MGAT4C: variants seen among roughly 807,000 people sequenced by gnomAD.
MGAT4C encodes the protein MGAT4 family member C.
A neutral mutation model predicts 40.1 loss-of-function variants in MGAT4C; 19 were observed. The observed-to-expected ratio is 0.47, with a 90% CI of 0.33 to 0.70. The LOEUF (loss-of-function observed/expected upper bound fraction) is 0.70, where lower values mean the gene tolerates loss of function less well. MGAT4C is among the 30% of genes least tolerant of loss of function. The pLI is 0.02. For synonymous variants in MGAT4C, 181 were observed against 187.1 expected (o/e 0.97, Z 0.27); for missense variants, 491 against 563.2 (o/e 0.87, Z 1.30).
At chr12:86,530,310 C>T (rs1958959743) in intron 2 of MGAT4C, among the ~76,000 whole-genome samples, 1 of 151,848 alleles carries the variant, frequency 6.6e-6, no homozygotes. Context: ...TGCTTATTTT[C>T]TTTCAAACAT....
intron 1 of MGAT4C, among the ~76,000 whole-genome samples, chr12:86,071,661 T>C: frequency 6.6e-6 from 1 of 152,250 alleles, no homozygotes; most frequent in Non-Finnish European, 1.5e-5. Flanking sequence ...TTACTATGCG[T>C]CATAGCTTTA....
intron 2 of MGAT4C, among the ~76,000 whole-genome samples, chr12:86,017,185 AACTACCACTGTG>A: frequency 6.6e-6 from 1 of 152,146 alleles, no homozygotes; most frequent in African/African-American, 2.4e-5. Flanking sequence ...AAAAGATTGC[AACTACCACTGTG>A]GTTTGAGTGT....
chr12:86,012,875 G>A (rs1021623128), intron 2 of MGAT4C, among the ~76,000 whole-genome samples: 1 of 151,344 alleles, frequency 6.6e-6, no homozygotes, highest in Non-Finnish European at 1.5e-5. Flanking sequence ...GATAATCCCA[G>A]CACTTTGGGA....
In MGAT4C at chr12:85,965,112, T is replaced by C. The variant is rs192362568; in HGVS notation, c.*14177A>G. 6 of 152,304 alleles carry C rather than the reference T, an allele frequency of 3.9e-5. No homozygotes were observed. Among genetic ancestry groups the C allele is most frequent in the African/African-American group, 1.4e-4 (6 of 41,574 alleles). The allele number at this position is 152,304 out of a possible 1,614,324, so 9.4% of individuals were successfully genotyped here. On this transcript the variant is annotated 3_prime_UTR_variant, in exon 5 of 5. Transcript: ENST00000611864. ...TCCAATTAGAGTGAGGTGTTGAATATTTATTTATTTGTTTATTTTTATTAT... is the reference window on the plus strand; with the variant it reads ...TCCAATTAGAGTGAGGTGTTGAATACTTATTTATTTGTTTATTTTTATTAT...
At chr12:86,489,916 G>C (rs549602031) in intron 2 of MGAT4C, among the ~76,000 whole-genome samples, 2 of 152,224 alleles carry the variant, frequency 1.3e-5, no homozygotes, top group Admixed American at 1.3e-4. Flanking sequence ...AGAAATATGG[G>C]ACTATGTGAA....
intron 2 of MGAT4C, among the ~76,000 whole-genome samples, chr12:86,689,025 T>C (rs1413959383): frequency 2.0e-5 from 3 of 152,230 alleles, no homozygotes; most frequent in South Asian, 2.1e-4. Context: ...TCCATACTTT[T>C]TGGAGGCTTT....
intron 2 of MGAT4C, among the ~76,000 whole-genome samples, chr12:86,508,207 C>A (rs189936108): frequency 7.2e-5 from 11 of 152,064 alleles, no homozygotes; most frequent in African/African-American, 1.2e-4. Context: ...ATCCCTCCCC[C>A]CTTCCCCCAC....
At chr12:86,528,105 AATTTC>A (rs1458213965) in intron 2 of MGAT4C, among the ~76,000 whole-genome samples, 1 of 152,172 alleles carries the variant, frequency 6.6e-6, no homozygotes, top group Non-Finnish European at 1.5e-5. Flanking sequence ...CACATAATAT[AATTTC>A]ATTTCATTTT....
At chr12:86,580,399 C>T (rs1960733640) in intron 2 of MGAT4C, among the ~76,000 whole-genome samples, 1 of 151,384 alleles carries the variant, frequency 6.6e-6, no homozygotes, top group Non-Finnish European at 1.5e-5. Flanking sequence ...ATATCTATCC[C>T]TAAGGTATAG....
chr12:86,090,006 C>T (rs994342703), intron 1 of MGAT4C, among the ~76,000 whole-genome samples: 1 of 151,548 alleles, frequency 6.6e-6, no homozygotes, highest in Non-Finnish European at 1.5e-5. Context: ...CTATTTATCT[C>T]TACAAATATT....
intron 2 of MGAT4C, among the ~76,000 whole-genome samples, chr12:86,713,310 C>CT (rs1021185348): frequency 2.5e-4 from 38 of 152,058 alleles, no homozygotes; most frequent in African/African-American, 8.9e-4. Context: ...TGAATTGGTT[C>CT]TTTTTTCTCC....
intron 1 of MGAT4C, among the ~76,000 whole-genome samples, chr12:86,136,845 G>T (rs1326646470): frequency 1.3e-5 from 2 of 151,768 alleles, no homozygotes; most frequent in African/African-American, 4.8e-5. Flanking sequence ...ACACTACCAC[G>T]CCTGGCTAAT....
intron 2 of MGAT4C, among the ~76,000 whole-genome samples, chr12:86,628,630 C>T (rs925267761): frequency 2.0e-5 from 3 of 152,126 alleles, no homozygotes; most frequent in Non-Finnish European, 4.4e-5. Context: ...CCCAGAATTT[C>T]ATATACACCC....
intron 1 of MGAT4C, among the ~76,000 whole-genome samples, chr12:86,824,854 T>C (rs1303855896): frequency 6.6e-6 from 1 of 151,140 alleles, no homozygotes; most frequent in Non-Finnish European, 1.5e-5. Flanking sequence ...GAGCCTTTAC[T>C]GCTAGATTAA....
rs371179504 is a variant in MGAT4C at position 86,400,548 on chromosome 12, C to T, written c.-120+34609G>A. Among the ~76,000 whole-genome samples the T allele has an allele frequency of 3.3e-5, 5 of 152,198 alleles. No individual in the cohort carries two copies. In the East Asian group the frequency reaches 7.7e-4, roughly 24 times the overall value. ...TAGACCAAGCAAATCACACAAGCCT[C>T]CAGGAATAGAAAAGGAAAAACAGAG... On this transcript the variant is annotated intron_variant, in intron 3 of 7. Coordinates refer to the MGAT4C transcript ENST00000548651.
intron 1 of MGAT4C, among the ~76,000 whole-genome samples, chr12:86,159,871 G>A (rs945124963): frequency 6.6e-6 from 1 of 151,944 alleles, no homozygotes; most frequent in Non-Finnish European, 1.5e-5. Flanking sequence ...TATTTGTGGG[G>A]TCAGTTATAA....
intron 2 of MGAT4C, among the ~76,000 whole-genome samples, chr12:86,714,625 C>T (rs1950612877): frequency 6.6e-6 from 1 of 152,056 alleles, no homozygotes; most frequent in African/African-American, 2.4e-5. Context: ...CGCCTTCCAC[C>T]ATGACTGTGA....
At position 86,473,719 on chromosome 12, in the gene MGAT4C, C is replaced by T. The variant is rs1335614939; in HGVS notation, c.-228-38454G>A. 6.6e-5 allele frequency among the ~76,000 whole-genome samples: 10 copies of T among 152,276 alleles called. 1 individual carries two copies. In the East Asian group the frequency reaches 1.9e-3, roughly 29 times the overall value. ...GCCTACTGCATCATTTATTATTAAA[C>T]TGTATATTAAGACTTTCTAAATTTG... On this transcript the variant is annotated intron_variant, in intron 2 of 7. Transcript: ENST00000548651.
At chr12:86,223,032 C>G (rs747788756) in intron 1 of MGAT4C, among the ~76,000 whole-genome samples, 3 of 152,146 alleles carry the variant, frequency 2.0e-5, no homozygotes, top group Non-Finnish European at 4.4e-5. Flanking sequence ...AGGCATTGTT[C>G]GAGAGAGGGA....
Sources: allele counts gnomAD v4.1 joint callset (sites outside exome capture counted in the v4.1 genomes callset), GRCh38; gene constraint gnomAD v4.1.1; transcripts MANE v1.5; gene names NCBI Gene and HGNC (gene_info 2026-07-23, HGNC 2026-07-21).